HECW2: variants seen among roughly 807,000 people sequenced by gnomAD.
HECW2 encodes HECT, C2 and WW domain containing E3 ubiquitin protein ligase 2.
A neutral mutation model predicts 175.2 loss-of-function variants in HECW2; 61 were observed. That is an observed-to-expected ratio of 0.35 (90% confidence interval 0.28 to 0.43). The LOEUF is 0.43. HECW2 is among the 20% of genes least tolerant of loss of function. The pLI, the probability that HECW2 is intolerant of heterozygous loss-of-function variation, is 1.00. For missense variants in HECW2, 1,524 were observed against 2,000.5 expected, an observed-to-expected ratio of 0.76 and a Z score of 4.54; for synonymous variants, 671 against 731.0, an observed-to-expected ratio of 0.92 and a Z score of 1.32.
At chr2:196,393,472 C>A (rs974742377) in intron 2 of HECW2, among the ~76,000 whole-genome samples, 1 of 92,436 alleles carries the variant, frequency 1.1e-5, no homozygotes, top group East Asian at 6.9e-4. Context: ...AATCAAACAA[C>A]CCCATCAACA....
intron 28 of HECW2, among the ~76,000 whole-genome samples, chr2:196,211,611 C>A (rs115934459): frequency 6.6e-6 from 1 of 152,162 alleles, no homozygotes; most frequent in Non-Finnish European, 1.5e-5. Flanking sequence ...CTGTGAGCAG[C>A]GCTATCCACT....
At chr2:196,543,344 C>T (rs1018588884) in intron 1 of HECW2, among the ~76,000 whole-genome samples, 21 of 150,630 alleles carry the variant, frequency 1.4e-4, no homozygotes, top group Non-Finnish European at 2.8e-4. Flanking sequence ...GTGTGTAGAA[C>T]ATTCAAGATA....
intron 1 of HECW2, among the ~76,000 whole-genome samples, chr2:196,471,988 A>AAG (rs2125352325): frequency 6.6e-6 from 1 of 151,996 alleles, no homozygotes; most frequent in African/African-American, 2.4e-5. Flanking sequence ...AAAAAAAAAA[A>AAG]AAAAAGAAAA....
chr2:196,584,569 T>C lies in HECW2; in HGVS notation c.-36+8939A>G, dbSNP rs910791943. On this transcript the variant is annotated intron_variant, in intron 1 of 28. Transcript: ENST00000644978. ...CAGACAAGTGAAGAGAATGTGGATGTGTAAAACTCCCTATAAATTAAAAAA... is the reference window on the plus strand; with the variant it reads ...CAGACAAGTGAAGAGAATGTGGATGCGTAAAACTCCCTATAAATTAAAAAA... 1.4e-4 allele frequency among the ~76,000 whole-genome samples: 19 copies of C among 134,400 alleles called. 1 individual carries two copies. In the Middle Eastern group the frequency reaches 0.011, roughly 75 times the overall value. 88.2% of individuals were successfully genotyped at this position (134,400 alleles called of 152,430 possible).
chr2:196,213,658 G>C (rs980184688), intron 28 of HECW2, among the ~76,000 whole-genome samples: 6 of 152,162 alleles, frequency 3.9e-5, no homozygotes, highest in Admixed American at 6.5e-5. Flanking sequence ...AGCAAACTTA[G>C]GTCATAGTGA....
chr2:196,384,726 C>A (rs1297278379), intron 2 of HECW2, among the ~76,000 whole-genome samples: 4 of 152,122 alleles, frequency 2.6e-5, no homozygotes, highest in African/African-American at 9.7e-5. Flanking sequence ...ATTATGACAT[C>A]CTGAATTAAG....
intron 1 of HECW2, among the ~76,000 whole-genome samples, chr2:196,469,529 T>C (rs946615076): frequency 3.3e-5 from 5 of 151,912 alleles, no homozygotes; most frequent in Non-Finnish European, 5.9e-5. Context: ...ATTCATAATA[T>C]ATTTAAAAAA....
chr2:196,313,191 T>C (rs1348418720), intron 10 of HECW2, among the ~76,000 whole-genome samples: 16 of 152,168 alleles, frequency 1.1e-4, no homozygotes, highest in Non-Finnish European at 1.5e-5. Flanking sequence ...ACAATTACAC[T>C]GGAATCAATA....
At chr2:196,224,536 A>C (rs1332818408) in intron 23 of HECW2, among the ~76,000 whole-genome samples, 1 of 152,180 alleles carries the variant, frequency 6.6e-6, no homozygotes, top group African/African-American at 2.4e-5. Flanking sequence ...AGTTAAAAAA[A>C]AGAACCCGCA....
At chr2:196,554,508 G>A (rs1033660681) in intron 1 of HECW2, among the ~76,000 whole-genome samples, 6 of 152,138 alleles carry the variant, frequency 3.9e-5, no homozygotes, top group African/African-American at 1.4e-4. Context: ...CTCAGTTGAA[G>A]CCCTGAGACC....
At position 196,225,961 on chromosome 2, in the gene HECW2, C is replaced by T. The variant is rs541821630; in HGVS notation, c.3918-91G>A. The T allele has an allele frequency of 8.6e-5, 66 of 767,898 alleles. 1 individual carries two copies. The highest frequency in any genetic ancestry group is 1.3e-4 in the Non-Finnish European group (56 of 442,812). 47.6% of individuals were successfully genotyped at this position (767,898 alleles called of 1,614,324 possible). A position where few individuals can be genotyped will look rare whatever the true frequency, so the allele number is the denominator to read the frequency against. Reference sequence around the variant, plus strand: ...TTCTAGAATGCCTTCCAGCGCTAACCATCTAAATTTTTCCAATATTAATTG... The same window carrying T: ...TTCTAGAATGCCTTCCAGCGCTAACTATCTAAATTTTTCCAATATTAATTG... On this transcript the variant is annotated intron_variant, in intron 22 of 28. Transcript: ENST00000644978.
intron 1 of HECW2, among the ~76,000 whole-genome samples, chr2:196,510,209 A>G (rs1687897915): frequency 6.6e-6 from 1 of 152,162 alleles, no homozygotes. Context: ...CTCAATCCCA[A>G]TTTGGCTAGA....
intron 1 of HECW2, among the ~76,000 whole-genome samples, chr2:196,541,539 G>A (rs1455544362): frequency 6.6e-6 from 1 of 152,086 alleles, no homozygotes; most frequent in African/African-American, 2.4e-5. Flanking sequence ...AAAGCACGGA[G>A]GAAGGCTTAT....
intron 2 of HECW2, among the ~76,000 whole-genome samples, chr2:196,384,758 A>G (rs1236091804): frequency 1.3e-5 from 2 of 152,200 alleles, no homozygotes; most frequent in African/African-American, 2.4e-5. Context: ...CAGAAACACT[A>G]GGCTGCCAAT....
chr2:196,286,435 A>C (rs890252003), intron 14 of HECW2, among the ~76,000 whole-genome samples: 1 of 141,460 alleles, frequency 7.1e-6, no homozygotes, highest in Non-Finnish European at 1.6e-5. Context: ...ACAACTGTTA[A>C]AAAAGAAAAG....
intron 2 of HECW2, among the ~76,000 whole-genome samples, chr2:196,411,517 A>G (rs890504257): frequency 7.2e-5 from 11 of 152,240 alleles, no homozygotes; most frequent in Admixed American, 2.0e-4. Flanking sequence ...ACATGAATCA[A>G]GTGGCAAAGT....
chr2:196,408,356 T>C (rs180702581), intron 2 of HECW2, among the ~76,000 whole-genome samples: 2 of 152,370 alleles, frequency 1.3e-5, no homozygotes, highest in Admixed American at 6.5e-5. Context: ...TGCAGATTTC[T>C]GTCAGTCTCT....
intron 1 of HECW2, among the ~76,000 whole-genome samples, chr2:196,543,880 G>A (rs1049239639): frequency 6.6e-6 from 1 of 152,208 alleles, no homozygotes; most frequent in Non-Finnish European, 1.5e-5. Context: ...CCAAACTGCT[G>A]GGATTACAGG....
chr2:196,244,931 C>A (rs1260314636), intron 19 of HECW2, among the ~76,000 whole-genome samples: 2 of 152,138 alleles, frequency 1.3e-5, no homozygotes, highest in African/African-American at 2.4e-5. Flanking sequence ...TTTATAGGTT[C>A]TTGAGCAGAA....
Sources: allele counts gnomAD v4.1 joint callset (sites outside exome capture counted in the v4.1 genomes callset), GRCh38; gene constraint gnomAD v4.1.1; transcripts MANE v1.5; gene names NCBI Gene and HGNC (gene_info 2026-07-23, HGNC 2026-07-21).